Variants in NTM observed in about 807,000 individuals in gnomAD.
NTM encodes neurotrimin.
NTM carries 13 observed loss-of-function variants against 42.1 expected under a neutral mutation model. The observed-to-expected ratio is 0.31, with a 90% confidence interval of 0.20 to 0.49. NTM has a LOEUF of 0.49. Among genes scored for constraint, NTM ranks in the 20% least tolerant of loss-of-function variants. NTM has a pLI of 0.99. For synonymous variants in NTM, 187 were observed against 179.2 expected (o/e 1.04, Z -0.35); for missense variants, 373 against 452.8 (o/e 0.82, Z 1.60).
Position 132,122,474 on chromosome 11 carries a change from C to T in NTM, c.168-23808C>T, listed in dbSNP as rs958004991. ...TGAATACTTGTAACCTAAACTGGGG[C>T]TGCGCCTACTGTCAGAGTTCGTGAG... On this transcript the variant is annotated intron_variant, in intron 2 of 8. Transcript: ENST00000683400. Among the ~76,000 whole-genome samples, 4 of 152,194 alleles carry T rather than the reference C, an allele frequency of 2.6e-5. No homozygotes were observed. In the South Asian group the frequency reaches 6.2e-4, roughly 24 times the overall value.
At chr11:131,474,607 T>A (rs1952746926) in intron 1 of NTM, among the ~76,000 whole-genome samples, 1 of 152,128 alleles carries the variant, frequency 6.6e-6, no homozygotes, top group South Asian at 2.1e-4. Flanking sequence ...CTTTCTTGAT[T>A]TGTAGCATCT....
chr11:131,926,055 C>T (rs548165130), intron 2 of NTM, among the ~76,000 whole-genome samples: 1 of 152,238 alleles, frequency 6.6e-6, no homozygotes, highest in Non-Finnish European at 1.5e-5. Flanking sequence ...TGCTAAGTTC[C>T]TCTCTTGCAG....
At chr11:131,611,143 G>A (rs1246719187) in intron 1 of NTM, among the ~76,000 whole-genome samples, 1 of 152,164 alleles carries the variant, frequency 6.6e-6, no homozygotes, top group Non-Finnish European at 1.5e-5. Flanking sequence ...GGAAGCTGAA[G>A]TGACGCTTTG....
At chr11:131,568,814 G>A (rs2057155155) in intron 1 of NTM, among the ~76,000 whole-genome samples, 1 of 152,154 alleles carries the variant, frequency 6.6e-6, no homozygotes, top group Non-Finnish European at 1.5e-5. Context: ...GTAATGTTGG[G>A]GAGGATTACA....
chr11:131,912,404 C>A (rs2055336336), intron 2 of NTM, among the ~76,000 whole-genome samples: 1 of 151,662 alleles, frequency 6.6e-6, no homozygotes, highest in Non-Finnish European at 1.5e-5. Flanking sequence ...TTAAGGCTTA[C>A]AGGCACTGGG....
intron 2 of NTM, among the ~76,000 whole-genome samples, chr11:132,071,945 A>G (rs2057736469): frequency 6.6e-6 from 1 of 152,192 alleles, no homozygotes; most frequent in African/African-American, 2.4e-5. Context: ...TGGATATTCT[A>G]GAATCAGCTC....
intron 1 of NTM, among the ~76,000 whole-genome samples, chr11:131,424,321 C>T (rs1947832709): frequency 6.6e-6 from 1 of 152,160 alleles, no homozygotes. Flanking sequence ...CTCAGTGCCA[C>T]TCACACTGCA....
At chr11:131,881,375 G>A (rs187811387) in intron 1 of NTM, among the ~76,000 whole-genome samples, 11 of 152,074 alleles carry the variant, frequency 7.2e-5, no homozygotes, top group Admixed American at 2.6e-4. Flanking sequence ...TTCCAGTCCC[G>A]GATTGGTCAG....
At chr11:132,102,187 A>G (rs2061704314) in intron 2 of NTM, among the ~76,000 whole-genome samples, 1 of 152,256 alleles carries the variant, frequency 6.6e-6, no homozygotes, top group Non-Finnish European at 1.5e-5. Context: ...TTTAGCTCCC[A>G]AAGTATCCGA....
At chr11:131,779,760 G>T (rs1405598798) in intron 1 of NTM, among the ~76,000 whole-genome samples, 1 of 152,166 alleles carries the variant, frequency 6.6e-6, no homozygotes, top group Non-Finnish European at 1.5e-5. Context: ...AGAGGGAATA[G>T]AAGAGCAATC....
intron 4 of NTM, among the ~76,000 whole-genome samples, chr11:132,234,859 T>C (rs2088457410): frequency 6.6e-6 from 1 of 152,232 alleles, no homozygotes; most frequent in Admixed American, 6.5e-5. Flanking sequence ...AAATGTGTAA[T>C]ATGTGTTTGT....
At chr11:132,262,560 A>G (rs1210398141) in intron 4 of NTM, among the ~76,000 whole-genome samples, 1 of 152,094 alleles carries the variant, frequency 6.6e-6, no homozygotes, top group Admixed American at 6.5e-5. Context: ...GGGGAGAGAG[A>G]GAAGGATCAT....
At chr11:132,306,152 G>A (rs3133895) in intron 4 of NTM, 27,627 of 152,166 alleles carry the variant, frequency 0.18, 2,960 homozygotes, top group Middle Eastern at 0.27. Context: ...TTGTTCACAA[G>A]ACCATGGTCT....
At chr11:131,460,791 T>C (rs1334930730) in intron 1 of NTM, among the ~76,000 whole-genome samples, 5 of 152,164 alleles carry the variant, frequency 3.3e-5, no homozygotes. Context: ...TGACCTCAAA[T>C]GATCCGCCCG....
At chr11:131,394,079 C>A (rs763058974) in intron 1 of NTM, among the ~76,000 whole-genome samples, 5 of 152,228 alleles carry the variant, frequency 3.3e-5, no homozygotes, top group Admixed American at 3.3e-4. Context: ...AAAATTGTAC[C>A]GGAGAAGCAG....
chr11:131,567,212 C>T (rs772213099), intron 1 of NTM, among the ~76,000 whole-genome samples: 2 of 152,050 alleles, frequency 1.3e-5, no homozygotes, highest in South Asian at 2.1e-4. Context: ...CCCTAGAGGC[C>T]GGGCACAGTG....
At chr11:131,540,947 C>T (rs2053149156) in intron 1 of NTM, 1 of 152,208 alleles carries the variant, frequency 6.6e-6, no homozygotes, top group South Asian at 2.1e-4. Context: ...TGCCAGCCCC[C>T]TTGAGTCAAT....
chr11:131,840,255 T>C (rs2044059478), intron 1 of NTM, among the ~76,000 whole-genome samples: 1 of 152,176 alleles, frequency 6.6e-6, no homozygotes, highest in African/African-American at 2.4e-5. Context: ...CGCCTAAGGA[T>C]TGAATCCTTA....
chr11:132,136,465 G>A (rs193086720), intron 2 of NTM, among the ~76,000 whole-genome samples: 9 of 152,328 alleles, frequency 5.9e-5, no homozygotes, highest in Admixed American at 1.3e-4. Flanking sequence ...TGTGAACTGT[G>A]GGGTTTGGAT....
Sources: gnomAD v4.1 joint callset for allele counts (sites outside exome capture counted in the v4.1 genomes callset) on GRCh38, gnomAD v4.1.1 for gene constraint, MANE v1.5 for transcripts, NCBI Gene and HGNC (gene_info 2026-07-23, HGNC 2026-07-21) for gene names.